PTPRZ1: variants seen among roughly 807,000 people sequenced by gnomAD.
PTPRZ1 encodes receptor-type tyrosine-protein phosphatase zeta.
PTPRZ1 carries 82 observed loss-of-function variants against 214.1 expected under a neutral mutation model. That is an observed-to-expected ratio of 0.38 (90% CI 0.32 to 0.46). The LOEUF is 0.46. PTPRZ1 is among the 20% of genes least tolerant of loss of function. PTPRZ1 has a pLI of 1.00. For synonymous variants in PTPRZ1, 945 were observed against 987.9 expected (o/e 0.96, Z 0.81); for missense variants, 2,603 against 2,748.7 (o/e 0.95, Z 1.19).
intron 1 of PTPRZ1, among the ~76,000 whole-genome samples, chr7:121,923,483 G>T (rs1795661557): frequency 6.6e-6 from 1 of 151,870 alleles, no homozygotes; most frequent in Admixed American, 6.6e-5. Flanking sequence ...GTAATATTTT[G>T]GCCACTTATG....
intron 1 of PTPRZ1, among the ~76,000 whole-genome samples, chr7:121,874,039 G>GACACACAC (rs10640393): frequency 0.02 from 2,997 of 147,902 alleles, 73 homozygotes; most frequent in African/African-American, 0.066. Context: ...GTGAATTGCA[G>GACACACAC]ACACACACAC....
Position 121,911,158 on chromosome 7 carries a change from T to G in PTPRZ1, c.59-16998T>G, listed in dbSNP as rs577274072. Among the ~76,000 whole-genome samples the G allele has an allele frequency of 3.9e-5, 6 of 152,234 alleles. No individual in the cohort carries two copies. In the East Asian group the frequency reaches 1.2e-3, roughly 29 times the overall value. ...CCTAAGAGTAATGAAAGGTTTAATA[T>G]TGTACTTATTTAATAGTGCTTTCTT... On this transcript the variant is annotated intron_variant, in intron 1 of 29. Coordinates refer to ENST00000393386, the MANE Select transcript of PTPRZ1 (RefSeq NM_002851.3).
Position 121,972,556 on chromosome 7 carries a change from C to T in PTPRZ1, c.320C>T (p.Thr107Ile), listed in dbSNP as rs760058807. ...NTGKTVEINLTNDYRVSGGVS... is the reference protein window; with the variant it reads ...NTGKTVEINLINDYRVSGGVS... ...CTTTTTTTAGTGGAAATTAATCTCA[C>T]TAATGACTACCGTGTCAGCGGAGGA... Residue 107 changes from threonine to isoleucine, a missense_variant, in exon 4 of 30, where the codon ACT becomes ATT. Around this residue, in one of 6 missense-constraint regions of PTPRZ1, gnomAD observed 141 missense variants for 143.7 expected, o/e 0.98. Transcript: ENST00000393386. 1 of 1,605,592 alleles carries T rather than the reference C, an allele frequency of 6.2e-7. No homozygotes were observed. Among genetic ancestry groups the T allele is most frequent in the South Asian group, 1.1e-5 (1 of 88,576 alleles).
chr7:121,949,041 T>G (rs1360624681), intron 2 of PTPRZ1, among the ~76,000 whole-genome samples: 1 of 152,120 alleles, frequency 6.6e-6, no homozygotes, highest in African/African-American at 2.4e-5. Context: ...GAGCACAGTC[T>G]GGCTTTATAC....
chr7:121,877,990 T>C (rs1794114604), intron 1 of PTPRZ1, among the ~76,000 whole-genome samples: 1 of 150,940 alleles, frequency 6.6e-6, no homozygotes, highest in African/African-American at 2.4e-5. Flanking sequence ...ATATAAAATA[T>C]ATACATTTAA....
intron 1 of PTPRZ1, among the ~76,000 whole-genome samples, chr7:121,905,650 T>TAC (rs10528167): frequency 0.012 from 1,711 of 145,348 alleles, 28 homozygotes; most frequent in Middle Eastern, 0.069. Context: ...TTCTATTCTT[T>TAC]ACACACACAC....
At chr7:121,877,972 G>GTA (rs910573817) in intron 1 of PTPRZ1, among the ~76,000 whole-genome samples, 47 of 149,840 alleles carry the variant, frequency 3.1e-4, no homozygotes, top group Middle Eastern at 3.6e-3. Flanking sequence ...ATGTGTTTGT[G>GTA]TATATATATA....
chr7:121,958,469 C>A (rs555333711), intron 2 of PTPRZ1, among the ~76,000 whole-genome samples: 1 of 152,274 alleles, frequency 6.6e-6, no homozygotes, highest in East Asian at 1.9e-4. Context: ...TTAGTGCTTT[C>A]CACCATCTTA....
chr7:122,002,183 C>G (rs1033728715), intron 10 of PTPRZ1, among the ~76,000 whole-genome samples: 9 of 152,134 alleles, frequency 5.9e-5, no homozygotes, highest in African/African-American at 1.9e-4. Context: ...TGAAGAGACT[C>G]AGCAAAAGAC....
Position 122,010,144 on chromosome 7 carries a change from C to T in PTPRZ1, c.1288-190C>T, listed in dbSNP as rs573547642. On this transcript the variant is annotated intron_variant, in intron 11 of 29. Coordinates refer to ENST00000393386, the MANE Select transcript of PTPRZ1 (RefSeq NM_002851.3). ...GGCCATAAATTAGGTGTTTTCATTA[C>T]GTTTAATTACTCCCCTGTAGAGCGG... 7.9e-5 allele frequency among the ~76,000 whole-genome samples: 12 copies of T among 152,176 alleles called. No individual in the cohort carries two copies. In the East Asian group the frequency reaches 1.5e-3, roughly 20 times the overall value.
chr7:122,002,643 C>A (rs1470493939), intron 10 of PTPRZ1, among the ~76,000 whole-genome samples: 1 of 151,958 alleles, frequency 6.6e-6, no homozygotes, highest in Non-Finnish European at 1.5e-5. Flanking sequence ...TTATACATAC[C>A]CTTCCCCAAC....
Position 121,972,531 on chromosome 7 carries a change from C to CT in PTPRZ1, c.305-3dup. On this transcript the variant is annotated splice_polypyrimidine_tract_variant and intron_variant, in intron 3 of 29. Coordinates refer to ENST00000393386, the MANE Select transcript of PTPRZ1 (RefSeq NM_002851.3). ...CAGAAGCTTAGGTGCAATTGTATTT[C>CT]TTTTTTTAGTGGAAATTAATCTCAC... 1.3e-6 allele frequency: 2 copies of CT among 1,581,522 alleles called. No homozygotes were observed. Among genetic ancestry groups the CT allele is most frequent in the Admixed American group, 1.9e-5 (1 of 53,234 alleles).
chr7:121,980,119 ACTCT>A (rs1797559653), intron 6 of PTPRZ1, among the ~76,000 whole-genome samples: 1 of 151,608 alleles, frequency 6.6e-6, no homozygotes, highest in Non-Finnish European at 1.5e-5. Flanking sequence ...TCTCTGTCTC[ACTCT>A]CCTTACTCAG....
chr7:122,000,028 A>G (rs1162611560), intron 10 of PTPRZ1, among the ~76,000 whole-genome samples: 2 of 152,128 alleles, frequency 1.3e-5, no homozygotes, highest in African/African-American at 4.8e-5. Flanking sequence ...TATAGTAATG[A>G]TGTGTTAGTA....
At chr7:121,978,234 A>G (rs1269853042) in intron 6 of PTPRZ1, among the ~76,000 whole-genome samples, 1 of 152,178 alleles carries the variant, frequency 6.6e-6, no homozygotes, top group African/African-American at 2.4e-5. Flanking sequence ...TATTCTGCCT[A>G]TATTCTGGCT....
rs56711234 is a variant in PTPRZ1, at chr7:121,968,310, CA to C, written c.304+190del. On this transcript the variant is annotated intron_variant, in intron 3 of 29. Transcript: ENST00000393386. Reference sequence around the variant, plus strand: ...TTAGACAATATTTTGACAATTTGTACAAAAAAAAAATGACCAATGTCATCAT... The same window carrying C: ...TTAGACAATATTTTGACAATTTGTACAAAAAAAAATGACCAATGTCATCAT... 5.6e-3 allele frequency among the ~76,000 whole-genome samples: 802 copies of C among 144,340 alleles called. 5 individuals are homozygous for C. Among genetic ancestry groups the C allele is most frequent in the African/African-American group, 0.018 (723 of 39,542 alleles). 94.7% of individuals were successfully genotyped at this position (144,340 alleles called of 152,430 possible). A position where few individuals can be genotyped will look rare whatever the true frequency, so the allele number is the denominator to read the frequency against.
intron 1 of PTPRZ1, among the ~76,000 whole-genome samples, chr7:121,891,626 A>C (rs565562295): frequency 1.3e-5 from 2 of 151,872 alleles, no homozygotes; most frequent in South Asian, 4.2e-4. Flanking sequence ...TGCAAACATC[A>C]TATAATCACA....
chr7:121,926,706 G>A lies in PTPRZ1; in HGVS notation c.59-1450G>A, dbSNP rs139883189. Among the ~76,000 whole-genome samples, 505 of 152,226 alleles carry A rather than the reference G, an allele frequency of 3.3e-3. 1 individual carries two copies. The highest frequency in any genetic ancestry group is 6.4e-3 in the South Asian group (31 of 4,814). On this transcript the variant is annotated intron_variant, in intron 1 of 29. Transcript: ENST00000393386. The stretch of plus-strand genomic sequence containing the variant: ...AATTTCTTTTTAGAGTGATGAAAAT[G>A]TTCTAAAATTGTTTGCAGGAATGAT...
intron 4 of PTPRZ1, among the ~76,000 whole-genome samples, chr7:121,973,734 G>C (rs1212963536): frequency 2.0e-5 from 3 of 152,066 alleles, no homozygotes; most frequent in African/African-American, 7.2e-5. Context: ...AGGAGTTCCA[G>C]ACCAGCCTGG....
Sources: allele counts gnomAD v4.1 joint callset (sites outside exome capture counted in the v4.1 genomes callset), GRCh38; gene constraint gnomAD v4.1.1; regional missense constraint gnomAD v4.1.1; transcripts MANE v1.5; gene names NCBI Gene and HGNC (gene_info 2026-07-23, HGNC 2026-07-21).